TSHZ2: variants seen among roughly 807,000 people sequenced by gnomAD.
TSHZ2 encodes teashirt zinc finger homeobox 2, also known as teashirt homolog 2.
Under a neutral mutation model 74.4 loss-of-function variants are expected in TSHZ2, and 21 were observed. The ratio of observed to expected loss-of-function variants is 0.28; its 90% confidence interval spans 0.20 to 0.41. The LOEUF (loss-of-function observed/expected upper bound fraction) is 0.41, where lower values mean the gene tolerates loss of function less well. Among genes scored for constraint, TSHZ2 ranks in the 10% least tolerant of loss-of-function variants. The probability of loss-of-function intolerance (pLI) is 1.00; values close to 1 mark genes in which losing one functional copy is unlikely to be tolerated. For missense variants in TSHZ2, 1,244 were observed against 1,293.5 expected, an observed-to-expected ratio of 0.96 and a Z score of 0.59; for synonymous variants, 540 against 515.3, an observed-to-expected ratio of 1.05 and a Z score of -0.65.
intron 2 of TSHZ2, among the ~76,000 whole-genome samples, chr20:53,274,907 C>T (rs560318186): frequency 2.0e-5 from 3 of 152,256 alleles, no homozygotes; most frequent in East Asian, 3.9e-4. Flanking sequence ...CCAGTGATGC[C>T]GTAAATACAG....
At chr20:53,180,854 A>G (rs1045323893) in intron 1 of TSHZ2, among the ~76,000 whole-genome samples, 1 of 152,186 alleles carries the variant, frequency 6.6e-6, no homozygotes. Flanking sequence ...TGAGTCAGAC[A>G]TGTGGCTCCT....
At chr20:53,223,394 A>G (rs910828475) in intron 1 of TSHZ2, among the ~76,000 whole-genome samples, 1 of 152,018 alleles carries the variant, frequency 6.6e-6, no homozygotes, top group African/African-American at 2.4e-5. Context: ...GACCCACTCC[A>G]TTTATTTATT....
At chr20:53,248,116 A>T (rs1409813918) in intron 1 of TSHZ2, among the ~76,000 whole-genome samples, 1 of 152,122 alleles carries the variant, frequency 6.6e-6, no homozygotes, top group Non-Finnish European at 1.5e-5. Context: ...TGTCACCCAG[A>T]CTGCAGGGCA....
At position 52,999,742 on chromosome 20, in the gene TSHZ2, A is replaced by C. The variant is rs576657311; in HGVS notation, c.40+26409A>C. On this transcript the variant is annotated intron_variant, in intron 1 of 2. Coordinates refer to ENST00000371497, the MANE Select transcript of TSHZ2 (RefSeq NM_173485.6). The stretch of plus-strand genomic sequence containing the variant: ...TCATGTGCTCAGCTTTTCCTTGGGC[A>C]AACTGGGATTTCTGGGGGTGGAAAA... Among the ~76,000 whole-genome samples the C allele has an allele frequency of 1.6e-4, 24 of 152,312 alleles. No homozygotes were observed. In the South Asian group the frequency reaches 4.3e-3, roughly 28 times the overall value.
rs143580078 is a variant in TSHZ2, at chr20:53,255,791, C to T, written c.2333C>T (p.Ser778Leu). ...TCCAAAAGCAAGAAAGCCGAGTCCT[C>T]GCAAGCACAATCTTGTATGTCCCCA... ...TKSKSKKAESSQAQSCMSPPQ... is the reference protein window; with the variant it reads ...TKSKSKKAESLQAQSCMSPPQ... The change falls in exon 2 of 3, where the codon TCG becomes TTG. Residue 778 changes from serine (S) to leucine (L), a missense_variant. Ser to Leu is a moderately radical substitution (Grantham distance 145). Transcript: ENST00000371497. The surrounding 1 kb of genome is among the most constrained non-coding windows in gnomAD (Gnocchi z 4.1). The T allele has an allele frequency of 1.3e-5, 21 of 1,613,960 alleles. No homozygotes were observed. In the Middle Eastern group the frequency reaches 6.6e-4, roughly 51 times the overall value.
chr20:53,333,071 T>C lies in TSHZ2; in HGVS notation c.*8+76500T>C, dbSNP rs150176875. ...CAACTCAGAAGGTATCTCCCTCTTC[T>C]ATCCCATAAGCTCCATGACATCAAG... On this transcript the variant is annotated intron_variant, in intron 2 of 2. Transcript: ENST00000371497. 5.6e-3 allele frequency among the ~76,000 whole-genome samples: 859 copies of C among 152,320 alleles called. 6 individuals carry two copies. The highest frequency in any genetic ancestry group is 9.4e-3 in the Non-Finnish European group (638 of 68,022).
At chr20:53,023,427 T>G (rs1001441947) in intron 1 of TSHZ2, among the ~76,000 whole-genome samples, 1 of 152,200 alleles carries the variant, frequency 6.6e-6, no homozygotes, top group Non-Finnish European at 1.5e-5. Context: ...TGTTCAGAGA[T>G]AGTTCTTTCC....
chr20:53,026,326 G>A (rs1983443309), intron 1 of TSHZ2, among the ~76,000 whole-genome samples: 1 of 151,874 alleles, frequency 6.6e-6, no homozygotes, highest in Admixed American at 6.6e-5. Flanking sequence ...TGCAGGAATT[G>A]GGATACCAAG....
chr20:53,473,078 G>A (rs1317118842), intron 2 of TSHZ2, among the ~76,000 whole-genome samples: 1 of 149,282 alleles, frequency 6.7e-6, no homozygotes, highest in Non-Finnish European at 1.5e-5. Context: ...TGAGGCTGGG[G>A]GAGGGGCGCC....
At chr20:53,086,640 G>A (rs545892321) in intron 1 of TSHZ2, among the ~76,000 whole-genome samples, 13 of 152,182 alleles carry the variant, frequency 8.5e-5, no homozygotes, top group Admixed American at 2.0e-4. Context: ...TAGAAGTATG[G>A]ACAGCTCTGT....
chr20:53,114,448 TGAA>T (rs67528720), intron 1 of TSHZ2, among the ~76,000 whole-genome samples: 14,765 of 152,110 alleles, frequency 0.097, 1,533 homozygotes, highest in East Asian at 0.37. Flanking sequence ...CGATATGTCA[TGAA>T]GAAGAAACGA....
chr20:53,380,866 G>A (rs575819400), intron 2 of TSHZ2, among the ~76,000 whole-genome samples: 117 of 152,274 alleles, frequency 7.7e-4, no homozygotes, highest in African/African-American at 2.7e-3. Context: ...ATTATCGCTA[G>A]CATTCATTTC....
chr20:53,175,940 C>G (rs1267372085), intron 1 of TSHZ2, among the ~76,000 whole-genome samples: 1 of 152,214 alleles, frequency 6.6e-6, no homozygotes, highest in Non-Finnish European at 1.5e-5. Flanking sequence ...TATTTGCTAG[C>G]AAAGGAGACC....
chr20:53,256,548 C>T lies in TSHZ2; in HGVS notation c.3090C>T (p.Asp1030=), dbSNP rs777088319. Residue 1030 remains aspartate, a synonymous_variant, in exon 2 of 3, where the codon GAC becomes GAT. Transcript: ENST00000371497. The surrounding 1 kb of genome is among the most constrained non-coding windows in gnomAD (Gnocchi z 4.3). ...AACACCATTCACAGTTTGTAACAGA[C>T]GTGGATGAAGAATAGCTCTGCAGGT... is the stretch of plus-strand genomic sequence containing the variant. ...SPEHHSQFVT[D]VDEE is the part of the protein sequence containing the mutation. 2.6e-5 allele frequency: 41 copies of T among 1,589,156 alleles called. No individual in the cohort carries two copies. Among genetic ancestry groups the T allele is most frequent in the South Asian group, 4.6e-5 (4 of 87,130 alleles).
At chr20:53,170,345 T>G (rs1488458288) in intron 1 of TSHZ2, among the ~76,000 whole-genome samples, 1 of 152,254 alleles carries the variant, frequency 6.6e-6, no homozygotes, top group Non-Finnish European at 1.5e-5. Context: ...CTGAAAGAGT[T>G]TTGTTCATTT....
At chr20:53,132,022 G>A (rs189885037) in intron 1 of TSHZ2, among the ~76,000 whole-genome samples, 11 of 152,180 alleles carry the variant, frequency 7.2e-5, no homozygotes, top group Admixed American at 6.5e-5. Flanking sequence ...ACTTGCAGGC[G>A]GTAGCCAGGA....
intron 1 of TSHZ2, among the ~76,000 whole-genome samples, chr20:52,982,779 T>G (rs1057340913): frequency 6.6e-6 from 1 of 151,994 alleles, no homozygotes; most frequent in African/African-American, 2.4e-5. Flanking sequence ...CCATGTTATA[T>G]AGAGTGGTCA....
chr20:53,049,211 G>T (rs1327485361), intron 1 of TSHZ2, among the ~76,000 whole-genome samples: 2 of 152,074 alleles, frequency 1.3e-5, no homozygotes, highest in Admixed American at 1.3e-4. Flanking sequence ...CCAAAGAGGG[G>T]CCCCTAATCC....
At chr20:52,976,986 G>A (rs1196653993) in intron 1 of TSHZ2, among the ~76,000 whole-genome samples, 1 of 152,142 alleles carries the variant, frequency 6.6e-6, no homozygotes, top group Non-Finnish European at 1.5e-5. Context: ...TCCTTGTGTG[G>A]CAGTAAACAT....
Sources: gnomAD v4.1 joint callset for allele counts (sites outside exome capture counted in the v4.1 genomes callset) on GRCh38, gnomAD v4.1.1 for gene constraint, Gnocchi (gnomAD v3.1) non-coding constraint, MANE v1.5 for transcripts, NCBI Gene and HGNC (gene_info 2026-07-23, HGNC 2026-07-21) for gene names.